The following ZBTB20 variants were observed in gnomAD, a reference collection of about 807,000 sequenced individuals.
ZBTB20 encodes zinc finger and BTB domain containing 20.
Under a neutral mutation model 56.9 loss-of-function variants are expected in ZBTB20, and 9 were observed. The ratio of observed to expected loss-of-function variants is 0.16; its 90% CI spans 0.10 to 0.28. The LOEUF is 0.28. Ranked by LOEUF, ZBTB20 falls within the 10% of genes least tolerant of loss-of-function variation. ZBTB20 has a pLI of 1.00. For synonymous variants in ZBTB20, 417 were observed against 420.7 expected (o/e 0.99, Z 0.11); for missense variants, 655 against 1,003.0 (o/e 0.65, Z 4.69).
chr3:114,345,279 CTCTG>C, intron 11 of ZBTB20, among the ~76,000 whole-genome samples: 1 of 152,142 alleles, frequency 6.6e-6, no homozygotes, highest in Non-Finnish European at 1.5e-5. Flanking sequence ...AAATGTATGT[CTCTG>C]TGTGTGTGTG....
intron 3 of ZBTB20, among the ~76,000 whole-genome samples, chr3:114,936,275 C>A (rs140213976): frequency 6.6e-6 from 1 of 152,134 alleles, no homozygotes; most frequent in East Asian, 1.9e-4. Context: ...CATGCATGCA[C>A]GCACACATGC....
chr3:114,897,443 TTTTC>T (rs1325317099), intron 4 of ZBTB20, among the ~76,000 whole-genome samples: 1 of 152,070 alleles, frequency 6.6e-6, no homozygotes, highest in Non-Finnish European at 1.5e-5. Flanking sequence ...TAAATGTGGA[TTTTC>T]TTTCTTTATT....
chr3:115,011,107 T>A (rs768449242), intron 2 of ZBTB20, among the ~76,000 whole-genome samples: 3 of 150,970 alleles, frequency 2.0e-5, no homozygotes, highest in African/African-American at 7.3e-5. Context: ...TACAATCAGA[T>A]GAGACAAAAG....
Position 114,503,141 on chromosome 3 carries a change from A to G in ZBTB20, c.-294-2750T>C, listed in dbSNP as rs189642808. On this transcript the variant is annotated intron_variant, in intron 6 of 11. Coordinates refer to ENST00000675478, the MANE Select transcript of ZBTB20 (RefSeq NM_001348800.3). ...ATTGACTAACACATCCAATGTCTGG[A>G]ATGAAAAACTATCTTTCCTGGATGT... Among the ~76,000 whole-genome samples the G allele has an allele frequency of 5.3e-3, 808 of 152,308 alleles. 8 individuals are homozygous for G. The Middle Eastern group carries it at 0.075, about 14-fold the overall frequency.
chr3:114,727,466 A>T (rs1229424895), intron 5 of ZBTB20, among the ~76,000 whole-genome samples: 2 of 152,180 alleles, frequency 1.3e-5, no homozygotes, highest in Non-Finnish European at 2.9e-5. Context: ...AGAACTTTCT[A>T]CCTAGGCATG....
At chr3:114,735,514 T>C (rs186162345) in intron 5 of ZBTB20, among the ~76,000 whole-genome samples, 1 of 152,244 alleles carries the variant, frequency 6.6e-6, no homozygotes, top group Non-Finnish European at 1.5e-5. Flanking sequence ...AGTATTTTTA[T>C]ACTGAGGAAT....
chr3:114,748,393 C>T (rs7630524), intron 5 of ZBTB20, among the ~76,000 whole-genome samples: 123,564 of 133,666 alleles, frequency 0.92, 57,795 homozygotes, highest in East Asian at 1. Context: ...TTTCTTTTGG[C>T]TTTGTTGTAG....
At chr3:114,909,604 C>A (rs192133224) in intron 3 of ZBTB20, among the ~76,000 whole-genome samples, 12 of 151,984 alleles carry the variant, frequency 7.9e-5, no homozygotes, top group Admixed American at 7.2e-4. Flanking sequence ...GCTCCATTCA[C>A]GGTATTAATT....
chr3:115,043,847 G>A (rs1032903), intron 2 of ZBTB20, among the ~76,000 whole-genome samples: 137,130 of 152,124 alleles, frequency 0.9, 63,265 homozygotes, highest in East Asian at 1. Flanking sequence ...TGTGGTCTCC[G>A]GTGTTGGAGG....
intron 7 of ZBTB20, among the ~76,000 whole-genome samples, chr3:114,470,493 C>T (rs2040001212): frequency 3.3e-5 from 5 of 151,996 alleles, no homozygotes; most frequent in Admixed American, 3.3e-4. Flanking sequence ...TGAAGAGAAA[C>T]CTGGCTCTCA....
Position 114,450,197 on chromosome 3 carries a change from T to C in ZBTB20, c.-255+50155A>G, listed in dbSNP as rs552741876. ...AAATCAACAGCCTTACCTGTGGCCA[T>C]TCAGAAGACTGCACTTTGGTGTGTG... On this transcript the variant is annotated intron_variant, in intron 7 of 11. Coordinates refer to ENST00000675478, the MANE Select transcript of ZBTB20 (RefSeq NM_001348800.3). 4.6e-4 allele frequency among the ~76,000 whole-genome samples: 70 copies of C among 152,332 alleles called. No homozygotes were observed. The South Asian group carries it at 5.6e-3, about 12-fold the overall frequency.
intron 6 of ZBTB20, among the ~76,000 whole-genome samples, chr3:114,606,793 A>AT (rs2057190524): frequency 6.6e-6 from 1 of 151,676 alleles, no homozygotes; most frequent in African/African-American, 2.4e-5. Flanking sequence ...ATTTTTGAAT[A>AT]TTTAAAAAAA....
chr3:114,440,201 T>C (rs143294688), intron 7 of ZBTB20, among the ~76,000 whole-genome samples: 54 of 152,268 alleles, frequency 3.5e-4, no homozygotes, highest in African/African-American at 1.2e-3. Context: ...ATAGCTACGA[T>C]ATATACATTA....
At chr3:114,657,461 C>T (rs1418673177) in intron 6 of ZBTB20, among the ~76,000 whole-genome samples, 1 of 152,140 alleles carries the variant, frequency 6.6e-6, no homozygotes, top group African/African-American at 2.4e-5. Context: ...TGCTTTTCTC[C>T]AGGCACTTAT....
intron 4 of ZBTB20, among the ~76,000 whole-genome samples, chr3:114,895,588 T>C (rs1016140079): frequency 6.6e-6 from 1 of 152,120 alleles, no homozygotes; most frequent in Non-Finnish European, 1.5e-5. Flanking sequence ...GCAACAGATA[T>C]CACAAGAGCC....
intron 5 of ZBTB20, among the ~76,000 whole-genome samples, chr3:114,728,584 C>G (rs1399980527): frequency 6.6e-6 from 1 of 152,206 alleles, no homozygotes; most frequent in Non-Finnish European, 1.5e-5. Flanking sequence ...ACTAAACTCT[C>G]AGTTGTAACC....
intron 7 of ZBTB20, among the ~76,000 whole-genome samples, chr3:114,459,250 T>C (rs969209927): frequency 2.6e-5 from 4 of 152,186 alleles, no homozygotes; most frequent in Non-Finnish European, 2.9e-5. Context: ...CTCCAAGTTA[T>C]TTTTTGTAGC....
chr3:114,687,618 A>G (rs552213270), intron 6 of ZBTB20: 1 of 151,762 alleles, frequency 6.6e-6, no homozygotes, highest in Non-Finnish European at 1.5e-5. Flanking sequence ...GTAAAAAAAA[A>G]AAAAAAAAGA....
intron 4 of ZBTB20, among the ~76,000 whole-genome samples, chr3:114,817,192 T>TAC (rs56294507): frequency 0.065 from 9,414 of 145,708 alleles, 372 homozygotes; most frequent in African/African-American, 0.11. Context: ...ATACAACTTA[T>TAC]ACACACACAC....
Sources: gnomAD v4.1 joint callset for allele counts (sites outside exome capture counted in the v4.1 genomes callset) on GRCh38, gnomAD v4.1.1 for gene constraint, MANE v1.5 for transcripts, NCBI Gene and HGNC (gene_info 2026-07-23, HGNC 2026-07-21) for gene names.